SLTM: variants seen among roughly 807,000 people sequenced by gnomAD.
SLTM encodes the protein SAFB-like transcription modulator.
Under a neutral mutation model 134.6 loss-of-function variants are expected in SLTM, and 43 were observed. The ratio of observed to expected loss-of-function variants is 0.32; its 90% CI spans 0.25 to 0.41. The LOEUF is 0.41. SLTM is among the 10% of genes least tolerant of loss of function. The pLI is 1.00. For missense variants in SLTM, 1,055 were observed against 1,288.8 expected (o/e 0.82, Z 2.78); for synonymous variants, 424 against 432.3 (o/e 0.98, Z 0.24).
chr15:58,916,847 G>T, intron 3 of SLTM, 88 bp downstream of exon 3: 1 of 1,057,138 alleles, frequency 9.5e-7, no homozygotes, highest in Non-Finnish European at 1.4e-6. Context: ...ATACTTCAGT[G>T]ACCATTGTTC....
chr15:58,933,653 C>T lies in SLTM; in HGVS notation c.-88G>A. 1.5e-6 allele frequency: 2 copies of T among 1,373,606 alleles called. No homozygotes were observed. The highest frequency in any genetic ancestry group is 3.1e-5 in the East Asian group (1 of 32,670). 85.1% of individuals were successfully genotyped at this position (1,373,606 alleles called of 1,614,324 possible). A position where few individuals can be genotyped will look rare whatever the true frequency, so the allele number is the denominator to read the frequency against. ...ACTTCCACCCAGGCCTCGGCGGCCG[C>T]CGGCGCCGCGCAGCGCTGCGCACAA... On this transcript the variant is annotated 5_prime_UTR_variant, in exon 1 of 21. Coordinates refer to ENST00000380516, the MANE Select transcript of SLTM (RefSeq NM_024755.4).
At chr15:58,927,039 A>G (rs1277334800) in intron 2 of SLTM, among the ~76,000 whole-genome samples, 4 of 152,204 alleles carry the variant, frequency 2.6e-5, no homozygotes. Context: ...TCAATGTGGT[A>G]AAGAATAAAA....
chr15:58,904,247 G>A (rs2035704537), intron 5 of SLTM, among the ~76,000 whole-genome samples: 1 of 152,070 alleles, frequency 6.6e-6, no homozygotes, highest in South Asian at 2.1e-4. Flanking sequence ...CTGAGCCCAG[G>A]TGCTCTACCT....
chr15:58,921,605 G>GATT (rs2037050797), intron 2 of SLTM: 3 of 441,610 alleles, frequency 6.8e-6, no homozygotes, highest in African/African-American at 6.0e-5. Context: ...ATTAGGACAA[G>GATT]ATTGTCAAAC....
intron 2 of SLTM, among the ~76,000 whole-genome samples, chr15:58,930,410 G>A (rs546948899): frequency 8.1e-4 from 123 of 151,092 alleles, no homozygotes; most frequent in Non-Finnish European, 1.5e-3. Flanking sequence ...GATTACAGGC[G>A]TGAGCCACTG....
At chr15:58,913,437 ACT>A in intron 4 of SLTM, 60 bp downstream of exon 4, 1 of 1,353,696 alleles carries the variant, frequency 7.4e-7, no homozygotes, top group Non-Finnish European at 1.0e-6. Context: ...AGAAAAAAAT[ACT>A]TTTTATTATT....
intron 5 of SLTM, among the ~76,000 whole-genome samples, chr15:58,905,821 T>A (rs1322893104): frequency 6.6e-6 from 1 of 152,214 alleles, no homozygotes; most frequent in African/African-American, 2.4e-5. Flanking sequence ...CTAGTAAGGT[T>A]TGTCTTACTT....
rs971922621 is a variant in SLTM, at chr15:58,894,552, G to A, written c.1258C>T (p.Arg420Ter). 5.0e-6 allele frequency: 8 copies of A among 1,614,048 alleles called. No homozygotes were observed. Among genetic ancestry groups the A allele is most frequent in the East Asian group, 2.2e-5 (1 of 44,878 alleles). Residue 420 changes from arginine to a stop codon, truncating the protein, a stop_gained, in exon 10 of 21, where the codon CGA (arginine) becomes TGA (stop). Transcript: ENST00000380516. LOFTEE classifies it high-confidence loss of function. ...CCATAGCATTTTGCCCCAGGACTTC[G>A]AGCATTTGTAACTACTTTTGCACTC... ...VLSAKVVTNA[R>*]SPGAKCYGIV...
chr15:58,906,574 T>C (rs2035880877), intron 5 of SLTM, among the ~76,000 whole-genome samples: 2 of 152,222 alleles, frequency 1.3e-5, no homozygotes, highest in South Asian at 4.1e-4. Flanking sequence ...TATCTTATGA[T>C]ATCTGTACAT....
chr15:58,881,722 G>C (rs1191098493), intron 20 of SLTM, among the ~76,000 whole-genome samples: 2 of 152,090 alleles, frequency 1.3e-5, no homozygotes, highest in African/African-American at 4.8e-5. Flanking sequence ...TAATTGGGAA[G>C]ATCAGATAGA....
chr15:58,880,169 C>T, intron 20 of SLTM, 62 bp from the exon 21 acceptor site: 1 of 1,573,326 alleles, frequency 6.4e-7, no homozygotes. Context: ...ACTGCAAATA[C>T]CAGGCACTGT....
chr15:58,889,415 A>G lies in SLTM; in HGVS notation c.2204+15T>C. 6.2e-7 allele frequency: 1 copy of G among 1,613,414 alleles called. No homozygotes were observed. The highest frequency in any genetic ancestry group is 8.5e-7 in the Non-Finnish European group (1 of 1,179,466). On this transcript the variant is annotated intron_variant, in intron 16 of 20. Coordinates refer to ENST00000380516, the MANE Select transcript of SLTM (RefSeq NM_024755.4). The stretch of plus-strand genomic sequence containing the variant: ...ACAGCAAGGTTAACTGTTAAGGAAT[A>G]AAATGAGTAACTACCTATGATCTAC...
chr15:58,912,868 G>A (rs976643541), intron 4 of SLTM: 4 of 405,184 alleles, frequency 9.9e-6, no homozygotes, highest in African/African-American at 4.0e-5. Context: ...TTTTAAGCAT[G>A]AATACTAACA....
intron 14 of SLTM, among the ~76,000 whole-genome samples, chr15:58,892,388 C>G (rs749406358): frequency 6.6e-6 from 1 of 152,198 alleles, no homozygotes; most frequent in Non-Finnish European, 1.5e-5. Flanking sequence ...GCAAATCTTC[C>G]TTCTCTTAGG....
At position 58,897,407 on chromosome 15, in the gene SLTM, A is replaced by C. The variant is rs17236306; in HGVS notation, c.1109-174T>G. The C allele has an allele frequency of 1.3e-3, 691 of 530,316 alleles. 16 individuals are homozygous for C. In the East Asian group the frequency reaches 0.016, roughly 12 times the overall value. 32.9% of individuals were successfully genotyped at this position (530,316 alleles called of 1,614,324 possible). ...CAGACAACATGACTAGTGAGGGGAA[A>C]AAATCTGAACGTATGTACATTTCCT... On this transcript the variant is annotated intron_variant, in intron 8 of 20. Coordinates refer to ENST00000380516, the MANE Select transcript of SLTM (RefSeq NM_024755.4).
Position 58,899,509 on chromosome 15 carries a change from T to G in SLTM, c.1018A>C (p.Lys340Gln), listed in dbSNP as rs2035325687. The G allele has an allele frequency of 6.2e-7, 1 of 1,614,184 alleles. No individual in the cohort carries two copies. The highest frequency in any genetic ancestry group is 8.5e-7 in the Non-Finnish European group (1 of 1,180,006). ...GAGGCCCCAGTAGACGAGGGCCCTT[T>G]CTTCAAAGTATCCTTTTCTTTGTCT... Reference protein sequence around the residue: ...SGDKEKDTLKKGPSSTGASGQ... With the variant: ...SGDKEKDTLKQGPSSTGASGQ... The change falls in exon 7 of 21, where the codon AAA becomes CAA. Residue 340 changes from lysine to glutamine, a missense_variant. This residue lies in a region of SLTM where 776 missense variants were observed against 962.2 expected (regional missense o/e 0.81). Transcript: ENST00000380516. This position sits in a 1 kb window ranked among gnomAD's most constrained non-coding sequence, Gnocchi z 5.0.
At chr15:58,898,575 G>A (rs1344217947) in intron 8 of SLTM, 1 of 415,492 alleles carries the variant, frequency 2.4e-6, no homozygotes, top group Non-Finnish European at 4.3e-6. Flanking sequence ...CCTAGCTAAT[G>A]GGTTTTTAAC....
At chr15:58,912,268 T>G (rs1412591961) in intron 5 of SLTM, among the ~76,000 whole-genome samples, 1 of 151,924 alleles carries the variant, frequency 6.6e-6, no homozygotes, top group Non-Finnish European at 1.5e-5. Context: ...CCTAGCTAAT[T>G]TTTTGTATTT....
chr15:58,911,203 C>G (rs1191767787), intron 5 of SLTM, among the ~76,000 whole-genome samples: 1 of 152,172 alleles, frequency 6.6e-6, no homozygotes, highest in Non-Finnish European at 1.5e-5. Context: ...TCCACTGTGA[C>G]AGAGAGGCAA....
Sources: allele counts gnomAD v4.1 joint callset (sites outside exome capture counted in the v4.1 genomes callset), GRCh38; gene constraint gnomAD v4.1.1; regional missense constraint gnomAD v4.1.1; non-coding constraint Gnocchi (gnomAD v3.1); transcripts MANE v1.5; gene names NCBI Gene and HGNC (gene_info 2026-07-23, HGNC 2026-07-21).